The following CNTNAP2 variants were observed in gnomAD, a reference collection of about 807,000 sequenced individuals.
CNTNAP2 encodes the protein contactin associated protein 2.
A neutral mutation model predicts 155.2 loss-of-function variants in CNTNAP2; 98 were observed. The observed-to-expected ratio is 0.63, with a 90% CI of 0.54 to 0.75. The LOEUF is 0.75. CNTNAP2 is among the 30% of genes least tolerant of loss of function. CNTNAP2 has a pLI of 0.00. For missense variants in CNTNAP2, 1,727 were observed against 1,688.1 expected, an observed-to-expected ratio of 1.02 and a Z score of -0.40; for synonymous variants, 651 against 631.2, an observed-to-expected ratio of 1.03 and a Z score of -0.47.
chr7:147,756,604 A>T (rs1238059790), intron 13 of CNTNAP2, among the ~76,000 whole-genome samples: 1 of 152,242 alleles, frequency 6.6e-6, no homozygotes, highest in Non-Finnish European at 1.5e-5. Flanking sequence ...TTAAAAACAG[A>T]TTTAAAAAGT....
chr7:147,957,548 G>GA (rs1222342330), intron 14 of CNTNAP2, among the ~76,000 whole-genome samples: 1 of 152,064 alleles, frequency 6.6e-6, no homozygotes, highest in Non-Finnish European at 1.5e-5. Context: ...GCAATCGGAT[G>GA]AAAAAACAGT....
At chr7:147,160,849 G>A (rs969032654) in intron 8 of CNTNAP2, among the ~76,000 whole-genome samples, 3 of 152,108 alleles carry the variant, frequency 2.0e-5, no homozygotes, top group Admixed American at 2.0e-4. Flanking sequence ...ATACTCAGAA[G>A]CCTAAGAGAA....
intron 16 of CNTNAP2, among the ~76,000 whole-genome samples, chr7:148,122,430 G>C (rs1585137583): frequency 6.6e-6 from 1 of 152,170 alleles, no homozygotes; most frequent in Non-Finnish European, 1.5e-5. Context: ...GTGAAGAAGT[G>C]GGGGAAGAAC....
intron 8 of CNTNAP2, among the ~76,000 whole-genome samples, chr7:147,265,752 T>C (rs1476541837): frequency 6.6e-6 from 1 of 152,086 alleles, no homozygotes; most frequent in African/African-American, 2.4e-5. Flanking sequence ...TCCAGGAGCA[T>C]TCCTACTGGC....
At chr7:147,769,877 G>T (rs1409947483) in intron 13 of CNTNAP2, among the ~76,000 whole-genome samples, 1 of 152,104 alleles carries the variant, frequency 6.6e-6, no homozygotes, top group Admixed American at 6.6e-5. Context: ...GATGATGATC[G>T]TAACCAATTT....
intron 14 of CNTNAP2, among the ~76,000 whole-genome samples, chr7:147,914,658 C>T (rs951466975): frequency 4.6e-5 from 7 of 152,140 alleles, no homozygotes; most frequent in Non-Finnish European, 1.0e-4. Context: ...CCTCCCCAGG[C>T]TCAGGTGATC....
intron 15 of CNTNAP2, among the ~76,000 whole-genome samples, chr7:148,038,793 AAG>A (rs36172246): frequency 0.36 from 54,096 of 151,450 alleles, 10,376 homozygotes; most frequent in East Asian, 0.76. Flanking sequence ...GGCTTCTCCA[AAG>A]AGAGAGAGAG....
chr7:147,723,322 G>T (rs1164743119), intron 13 of CNTNAP2, among the ~76,000 whole-genome samples: 2 of 151,982 alleles, frequency 1.3e-5, no homozygotes, highest in Non-Finnish European at 2.9e-5. Context: ...GACCCAGACA[G>T]CCAAATTAAT....
intron 1 of CNTNAP2, among the ~76,000 whole-genome samples, chr7:146,140,975 T>G (rs1797868156): frequency 6.6e-6 from 1 of 152,180 alleles, no homozygotes; most frequent in South Asian, 2.1e-4. Context: ...ACTGTAGGTT[T>G]GTGCAATTGC....
chr7:147,726,635 C>T (rs1175406782), intron 13 of CNTNAP2, among the ~76,000 whole-genome samples: 2 of 151,804 alleles, frequency 1.3e-5, no homozygotes, highest in Non-Finnish European at 2.9e-5. Context: ...TCACAATGCT[C>T]CTATAAATCC....
Position 147,234,235 on chromosome 7 carries a change from C to T in CNTNAP2, c.1349-65906C>T, listed in dbSNP as rs1268624535. On this transcript the variant is annotated intron_variant, in intron 8 of 23. Coordinates refer to ENST00000361727, the MANE Select transcript of CNTNAP2 (RefSeq NM_014141.6). ...AAGCAAGAACATTATTCTACATATC[C>T]AGATTACATCCATCAAAATCAGGAA... 2.0e-5 allele frequency among the ~76,000 whole-genome samples: 3 copies of T among 151,956 alleles called. No homozygotes were observed. The East Asian group carries it at 5.8e-4, about 29-fold the overall frequency.
At chr7:147,880,761 TA>T in intron 13 of CNTNAP2, among the ~76,000 whole-genome samples, 1 of 151,674 alleles carries the variant, frequency 6.6e-6, no homozygotes, top group South Asian at 2.1e-4. Flanking sequence ...AGAGGTCTGG[TA>T]AAATAAAAAA....
intron 2 of CNTNAP2, among the ~76,000 whole-genome samples, chr7:146,811,426 A>G (rs1010571977): frequency 2.0e-5 from 3 of 152,086 alleles, no homozygotes; most frequent in Admixed American, 6.6e-5. Context: ...TTGGCATATA[A>G]GAGTTCATAG....
At chr7:146,958,671 C>A (rs1167238476) in intron 3 of CNTNAP2, among the ~76,000 whole-genome samples, 1 of 151,984 alleles carries the variant, frequency 6.6e-6, no homozygotes, top group Non-Finnish European at 1.5e-5. Flanking sequence ...CCTCGGCCTC[C>A]CAAAGTGCTG....
At chr7:146,591,572 A>G (rs1042410739) in intron 1 of CNTNAP2, among the ~76,000 whole-genome samples, 3 of 152,204 alleles carry the variant, frequency 2.0e-5, no homozygotes, top group African/African-American at 7.2e-5. Flanking sequence ...AGCAGTTAGC[A>G]TGATTTTTAC....
chr7:146,853,401 ACTCT>A (rs920793757), intron 3 of CNTNAP2, among the ~76,000 whole-genome samples: 1 of 152,058 alleles, frequency 6.6e-6, no homozygotes, highest in Non-Finnish European at 1.5e-5. Context: ...GTACACACAC[ACTCT>A]CTCAACTCTT....
intron 13 of CNTNAP2, among the ~76,000 whole-genome samples, chr7:147,883,412 G>A (rs1175860969): frequency 6.6e-6 from 1 of 152,154 alleles, no homozygotes; most frequent in Non-Finnish European, 1.5e-5. Context: ...GAAAAGAATA[G>A]AGATGTGATA....
At chr7:147,072,468 A>G (rs773616255) in intron 4 of CNTNAP2, among the ~76,000 whole-genome samples, 2 of 146,676 alleles carry the variant, frequency 1.4e-5, no homozygotes, top group African/African-American at 2.8e-5. Flanking sequence ...GCTGTGGTGT[A>G]GAGGACAGGT....
At chr7:147,527,446 C>G (rs150662926) in intron 11 of CNTNAP2, among the ~76,000 whole-genome samples, 1 of 152,272 alleles carries the variant, frequency 6.6e-6, no homozygotes, top group East Asian at 1.9e-4. Context: ...TAAGTCCTCT[C>G]AGTATGCGCA....
Sources: gnomAD v4.1 joint callset for allele counts (sites outside exome capture counted in the v4.1 genomes callset) on GRCh38, gnomAD v4.1.1 for gene constraint, MANE v1.5 for transcripts, NCBI Gene and HGNC (gene_info 2026-07-23, HGNC 2026-07-21) for gene names.